Variants in CAPZA2 observed in about 807,000 individuals in gnomAD.
The protein encoded by CAPZA2 is F-actin-capping protein subunit alpha-2.
In CAPZA2, 13 loss-of-function variants were observed where a neutral mutation model predicts 44.0. The ratio of observed to expected loss-of-function variants is 0.30; its 90% CI spans 0.19 to 0.47. The LOEUF (loss-of-function observed/expected upper bound fraction) is 0.47, where lower values mean the gene tolerates loss of function less well. CAPZA2 is among the 20% of genes least tolerant of loss of function. CAPZA2 has a pLI of 1.00. For missense variants in CAPZA2, 244 were observed against 338.6 expected (o/e 0.72, Z 2.19); for synonymous variants, 94 against 108.2 (o/e 0.87, Z 0.81).
intron 2 of CAPZA2, among the ~76,000 whole-genome samples, chr7:116,889,715 A>C (rs1473108352): frequency 6.6e-6 from 1 of 152,218 alleles, no homozygotes; most frequent in Admixed American, 6.5e-5. Context: ...GATTTAGTGC[A>C]TACAATTACA....
At position 116,881,738 on chromosome 7, in the gene CAPZA2, C is replaced by CAA. The variant is rs71148338; in HGVS notation, c.40-6365_40-6364dup. 7.0e-3 allele frequency among the ~76,000 whole-genome samples: 333 copies of CAA among 47,420 alleles called. 5 individuals are homozygous for CAA. The highest frequency in any genetic ancestry group is 9.8e-3 in the East Asian group (15 of 1,526). The allele number at this position is 47,420 out of a possible 152,430, so 31.1% of individuals were successfully genotyped here. ...TGGGCAGCAGAGTGAGACTCTGTCT[C>CAA]AAAAAAAAAAAAAAAAAAAAAAAAA... On this transcript the variant is annotated intron_variant, in intron 1 of 9. Transcript: ENST00000361183.
At chr7:116,916,390 C>T (rs1050868931) in intron 9 of CAPZA2, among the ~76,000 whole-genome samples, 3 of 152,174 alleles carry the variant, frequency 2.0e-5, no homozygotes, top group Non-Finnish European at 4.4e-5. Context: ...ACTGGGAAGC[C>T]GAGGCAGGTG....
chr7:116,863,036 G>C (rs895081586), intron 1 of CAPZA2, among the ~76,000 whole-genome samples: 1 of 152,104 alleles, frequency 6.6e-6, no homozygotes, highest in Non-Finnish European at 1.5e-5. Context: ...AGGGGTTTGC[G>C]TCCGTGCGTG....
At chr7:116,872,406 A>G (rs1019604442) in intron 1 of CAPZA2, among the ~76,000 whole-genome samples, 7 of 152,204 alleles carry the variant, frequency 4.6e-5, no homozygotes, top group Non-Finnish European at 7.3e-5. Context: ...AGAAGAATCA[A>G]TGTTGAGTTC....
At chr7:116,897,134 G>C (rs1229611032) in intron 3 of CAPZA2, among the ~76,000 whole-genome samples, 2 of 151,986 alleles carry the variant, frequency 1.3e-5, no homozygotes, top group Non-Finnish European at 2.9e-5. Context: ...GCAATAAAAG[G>C]CTTTCAGTCC....
Position 116,906,301 on chromosome 7 carries a change from T to C in CAPZA2, c.465T>C (p.Ile155=). ...GKKIDGQQTI[I]ACIESHQFQA... Reference sequence around the variant, plus strand: ...AAATAGATGGACAGCAAACCATTATTGCATGCATAGAAAGCCATCAGTTCC... The same window carrying C: ...AAATAGATGGACAGCAAACCATTATCGCATGCATAGAAAGCCATCAGTTCC... Residue 155 remains isoleucine, a synonymous_variant, in exon 6 of 10, where the codon ATT becomes ATC. Transcript: ENST00000361183. 6.2e-7 allele frequency: 1 copy of C among 1,612,994 alleles called. No homozygotes were observed. Among genetic ancestry groups the C allele is most frequent in the Non-Finnish European group, 8.5e-7 (1 of 1,179,802 alleles).
rs1357680784 is a variant in CAPZA2 at position 116,920,734 on chromosome 7, A to G, written c.*2867A>G. ...GAAAGCTCTGGGCTAGAAGAATGGGAAAGTGCATGAACCTGGAAACAATTT... is the reference window on the plus strand; with the variant it reads ...GAAAGCTCTGGGCTAGAAGAATGGGGAAGTGCATGAACCTGGAAACAATTT... On this transcript the variant is annotated 3_prime_UTR_variant, in exon 10 of 10. Transcript: ENST00000361183. 1 of 152,334 alleles carries G rather than the reference A, an allele frequency of 6.6e-6. No individual in the cohort carries two copies. Among genetic ancestry groups the G allele is most frequent in the Non-Finnish European group, 1.5e-5 (1 of 68,132 alleles). 9.4% of individuals were successfully genotyped at this position (152,334 alleles called of 1,614,324 possible). A position where few individuals can be genotyped will look rare whatever the true frequency, so the allele number is the denominator to read the frequency against.
chr7:116,896,682 T>G (rs1316629592), intron 3 of CAPZA2, among the ~76,000 whole-genome samples: 1 of 152,144 alleles, frequency 6.6e-6, no homozygotes, highest in Non-Finnish European at 1.5e-5. Context: ...TAGAAATTGA[T>G]TGGGCGACAG....
intron 1 of CAPZA2, chr7:116,875,392 G>A (rs1020710816): frequency 1.3e-5 from 2 of 152,108 alleles, no homozygotes; most frequent in Non-Finnish European, 2.9e-5. Flanking sequence ...ACAGGTTGAG[G>A]AGTAGAAACA....
At position 116,902,408 on chromosome 7, in the gene CAPZA2, T is replaced by C. The variant is rs180833429; in HGVS notation, c.220-1769T>C. The stretch of plus-strand genomic sequence containing the variant: ...AAAGACACCAGATAAAAATATTTTA[T>C]TATATTTGCTCACAGAAGAGCAAAT... On this transcript the variant is annotated intron_variant, in intron 4 of 9. Coordinates refer to ENST00000361183, the MANE Select transcript of CAPZA2 (RefSeq NM_006136.3). Among the ~76,000 whole-genome samples the C allele has an allele frequency of 3.2e-3, 485 of 152,294 alleles. 4 individuals are homozygous for C. Among genetic ancestry groups the C allele is most frequent in the African/African-American group, 0.011 (454 of 41,548 alleles).
Position 116,918,600 on chromosome 7 carries a change from A to G in CAPZA2, c.*733A>G, listed in dbSNP as rs904463130. On this transcript the variant is annotated 3_prime_UTR_variant, in exon 10 of 10. Coordinates refer to ENST00000361183, the MANE Select transcript of CAPZA2 (RefSeq NM_006136.3). ...CCTGAGTTATTTTTATCATAAAGCC[A>G]CAAATGTATTATAACAAGGCAAATT... 1.3e-5 allele frequency: 2 copies of G among 152,614 alleles called. No individual in the cohort carries two copies. Among genetic ancestry groups the G allele is most frequent in the African/African-American group, 2.4e-5 (1 of 41,442 alleles). The allele number at this position is 152,614 out of a possible 1,614,324, so 9.5% of individuals were successfully genotyped here. A position where few individuals can be genotyped will look rare whatever the true frequency, so the allele number is the denominator to read the frequency against.
Position 116,921,380 on chromosome 7 carries a change from C to CAAA in CAPZA2, c.*3525_*3527dup, listed in dbSNP as rs34989681. 5 of 135,954 alleles carry CAAA rather than the reference C, an allele frequency of 3.7e-5. No homozygotes were observed. The highest frequency in any genetic ancestry group is 4.8e-5 in the Non-Finnish European group (3 of 62,184). The allele number at this position is 135,954 out of a possible 1,614,324, so 8.4% of individuals were successfully genotyped here. A position where few individuals can be genotyped will look rare whatever the true frequency, so the allele number is the denominator to read the frequency against. Reference sequence around the variant, plus strand: ...CTGGCGACAGAGCGAGACTCTGTCCCAAAAAAAAAAAAAAGTGGTGGGCTG... The same window carrying CAAA: ...CTGGCGACAGAGCGAGACTCTGTCCCAAAAAAAAAAAAAAAAAGTGGTGGGCTG... On this transcript the variant is annotated 3_prime_UTR_variant, in exon 10 of 10. Transcript: ENST00000361183.
At chr7:116,914,792 C>T (rs1791657578) in intron 8 of CAPZA2, among the ~76,000 whole-genome samples, 1 of 152,192 alleles carries the variant, frequency 6.6e-6, no homozygotes, top group Non-Finnish European at 1.5e-5. Context: ...TTTACTAGCA[C>T]TTAGGTGATT....
intron 1 of CAPZA2, among the ~76,000 whole-genome samples, chr7:116,880,854 T>A (rs1796689093): frequency 6.6e-6 from 1 of 151,080 alleles, no homozygotes; most frequent in African/African-American, 2.4e-5. Context: ...ATTACAGGTG[T>A]CCAGTACCAC....
At chr7:116,890,237 A>G (rs1368723979) in intron 2 of CAPZA2, among the ~76,000 whole-genome samples, 2 of 152,114 alleles carry the variant, frequency 1.3e-5, no homozygotes, top group African/African-American at 4.8e-5. Flanking sequence ...ACATTGAGTT[A>G]ATATATTCTC....
intron 4 of CAPZA2, among the ~76,000 whole-genome samples, chr7:116,902,595 C>T (rs1797010848): frequency 6.6e-6 from 1 of 152,126 alleles, no homozygotes; most frequent in African/African-American, 2.4e-5. Context: ...TTTGGATTGT[C>T]ACAGGAGTAT....
intron 4 of CAPZA2, among the ~76,000 whole-genome samples, chr7:116,903,233 A>AGT (rs71148342): frequency 0.059 from 8,692 of 146,244 alleles, 259 homozygotes; most frequent in South Asian, 0.086. Flanking sequence ...TGCAGAGAAG[A>AGT]GTGTGTGTGT....
intron 1 of CAPZA2, among the ~76,000 whole-genome samples, chr7:116,877,252 C>T (rs527727624): frequency 2.0e-5 from 3 of 152,252 alleles, no homozygotes; most frequent in African/African-American, 7.2e-5. Context: ...AAATAATATA[C>T]CAAGAAGTTT....
rs1423117117 is a variant in CAPZA2 at position 116,918,836 on chromosome 7, A to G, written c.*969A>G. ...GTTGTAAATTAGAAAAGCTGGGATT[A>G]CATATGGTGTGCGGTTACAGTCTAA... On this transcript the variant is annotated 3_prime_UTR_variant, in exon 10 of 10. Coordinates refer to ENST00000361183, the MANE Select transcript of CAPZA2 (RefSeq NM_006136.3). The G allele has an allele frequency of 6.6e-6, 1 of 152,188 alleles. No homozygotes were observed. The highest frequency in any genetic ancestry group is 1.5e-5 in the Non-Finnish European group (1 of 68,046). 9.4% of individuals were successfully genotyped at this position (152,188 alleles called of 1,614,324 possible). A position where few individuals can be genotyped will look rare whatever the true frequency, so the allele number is the denominator to read the frequency against.
Sources: gnomAD v4.1 joint callset for allele counts (sites outside exome capture counted in the v4.1 genomes callset) on GRCh38, gnomAD v4.1.1 for gene constraint, MANE v1.5 for transcripts, NCBI Gene and HGNC (gene_info 2026-07-23, HGNC 2026-07-21) for gene names.